BLK: variants seen among roughly 807,000 people sequenced by gnomAD.
The protein encoded by BLK is BLK proto-oncogene, Src family tyrosine kinase, also known as tyrosine-protein kinase Blk.
A neutral mutation model predicts 61.8 loss-of-function variants in BLK; 64 were observed. The observed-to-expected ratio is 1.03, with a 90% CI of 0.85 to 1.27. The LOEUF (loss-of-function observed/expected upper bound fraction) is 1.27, where lower values mean the gene tolerates loss of function less well. Among genes scored for constraint, BLK ranks in the 50% most tolerant of loss-of-function variants. The pLI is 0.00. For synonymous variants in BLK, 351 were observed against 272.0 expected (o/e 1.29, Z -2.86); for missense variants, 853 against 660.5 (o/e 1.29, Z -3.19).
intron 1 of BLK, among the ~76,000 whole-genome samples, chr8:11,516,491 G>T (rs1799231062): frequency 6.6e-6 from 1 of 152,168 alleles, no homozygotes; most frequent in Non-Finnish European, 1.5e-5. Flanking sequence ...ATAATCTATT[G>T]AGAGAAAGAC....
intron 1 of BLK, among the ~76,000 whole-genome samples, chr8:11,496,589 G>A (rs940001608): frequency 7.2e-5 from 11 of 152,138 alleles, no homozygotes; most frequent in South Asian, 2.1e-4. Flanking sequence ...GCTGCAGGAC[G>A]GAATACACTC....
At chr8:11,528,564 G>A (rs1442898766) in intron 1 of BLK, among the ~76,000 whole-genome samples, 1 of 152,120 alleles carries the variant, frequency 6.6e-6, no homozygotes, top group Non-Finnish European at 1.5e-5. Flanking sequence ...GATGAGAAAA[G>A]GCTAATGATT....
chr8:11,504,304 C>T lies in BLK; in HGVS notation c.-2+9713C>T, dbSNP rs543103638. Among the ~76,000 whole-genome samples the T allele has an allele frequency of 6.9e-5, 10 of 145,776 alleles. No homozygotes were observed. In the South Asian group the frequency reaches 2.1e-3, roughly 31 times the overall value. On this transcript the variant is annotated intron_variant, in intron 1 of 12. Transcript: ENST00000259089. ...CACCATTGCACTCCAGCTTGAGCAA[C>T]AGAGCGAGATTCCATCTCAAAATAA...
chr8:11,514,940 C>G (rs958253452), intron 1 of BLK, among the ~76,000 whole-genome samples: 5 of 152,192 alleles, frequency 3.3e-5, no homozygotes, highest in African/African-American at 1.2e-4. Flanking sequence ...TCAGCCCCCT[C>G]CCCTTCCTGG....
chr8:11,532,365 ATTTT>A (rs56990952), intron 1 of BLK, among the ~76,000 whole-genome samples: 6 of 125,624 alleles, frequency 4.8e-5, no homozygotes, highest in Admixed American at 1.6e-4. Context: ...TGCCCAGCTC[ATTTT>A]TTTTTTTTTT....
At chr8:11,563,838 TC>T in intron 12 of BLK, 64 bp from the exon 13 acceptor site, 1 of 1,490,662 alleles carries the variant, frequency 6.7e-7, no homozygotes. Context: ...CGCGGGACGC[TC>T]AGGGCCCCCC....
At position 11,556,782 on chromosome 8, in the gene BLK, C is replaced by G. The variant is rs762861806; in HGVS notation, c.897C>G (p.Leu299=). 4.3e-6 allele frequency: 7 copies of G among 1,614,226 alleles called. No individual in the cohort carries two copies. The South Asian group carries it at 4.4e-5, about 10-fold the overall frequency. Residue 299 remains leucine, a synonymous_variant, in exon 9 of 13, where the codon CTC becomes CTG. Transcript: ENST00000259089. The part of the protein sequence containing the change: ...KALQHERLVR[L]YAVVTKEPIY... ...TGCAGCACGAGCGGCTGGTCCGACTCTACGCAGTGGTCACCAAGGAGCCCA... is the reference window on the plus strand; with the variant it reads ...TGCAGCACGAGCGGCTGGTCCGACTGTACGCAGTGGTCACCAAGGAGCCCA...
intron 9 of BLK, among the ~76,000 whole-genome samples, chr8:11,557,381 G>A (rs1296563052): frequency 6.6e-6 from 1 of 152,160 alleles, no homozygotes; most frequent in Non-Finnish European, 1.5e-5. Context: ...TGTTGATATA[G>A]CTCCCTAACA....
rs1800526685 is a variant in BLK at position 11,544,380 on chromosome 8, ATG to A, written c.123+1035_123+1036del. ...CGACCCCCTCTCCTGTGCTGTCCACATGTCCACGTGGTCATCTCTTTATCCTA... is the reference window on the plus strand; with the variant it reads ...CGACCCCCTCTCCTGTGCTGTCCACATCCACGTGGTCATCTCTTTATCCTA... On this transcript the variant is annotated intron_variant, in intron 2 of 12. Transcript: ENST00000259089. 2.0e-5 allele frequency among the ~76,000 whole-genome samples: 3 copies of A among 152,252 alleles called. No homozygotes were observed. In the South Asian group the frequency reaches 6.2e-4, roughly 32 times the overall value.
chr8:11,524,574 A>ACTT (rs1246984657), intron 1 of BLK, among the ~76,000 whole-genome samples: 1 of 152,258 alleles, frequency 6.6e-6, no homozygotes, highest in African/African-American at 2.4e-5. Context: ...ATATCGGAAG[A>ACTT]CTTAGAAAGG....
chr8:11,525,484 A>G (rs1165812177), intron 1 of BLK, among the ~76,000 whole-genome samples: 1 of 204 alleles, frequency 4.9e-3, no homozygotes, highest in East Asian at 0.056. Context: ...ACATTCTGCA[A>G]TTTACTCTTT....
chr8:11,494,748 G>A (rs1167081451), intron 1 of BLK, among the ~76,000 whole-genome samples, 157 bp downstream of exon 1: 1 of 152,246 alleles, frequency 6.6e-6, no homozygotes, highest in East Asian at 1.9e-4. Flanking sequence ...GCTATGAATA[G>A]ATTGCTCCAT....
chr8:11,555,348 A>T lies in BLK; in HGVS notation c.636A>T (p.Leu212=), dbSNP rs755201619. 3.7e-6 allele frequency: 6 copies of T among 1,614,084 alleles called. No individual in the cohort carries two copies. The highest frequency in any genetic ancestry group is 1.6e-4 in the Middle Eastern group (1 of 6,062). ...VQHYSKKGDG[L]CQRLTLPCVR... ...CTAATGCAGAGAAGGGGGATGGTCT[A>T]TGCCAGAGGCTGACCCTGCCCTGTG... Residue 212 remains leucine (L), a synonymous_variant, in exon 8 of 13, where the codon CTA becomes CTT. Transcript: ENST00000259089.
chr8:11,563,783 T>G lies in BLK; in HGVS notation c.1313-120T>G, dbSNP rs572555377. 37 of 956,836 alleles carry G rather than the reference T, an allele frequency of 3.9e-5. No homozygotes were observed. In the African/African-American group the frequency reaches 5.7e-4, roughly 15 times the overall value. The allele number at this position is 956,836 out of a possible 1,614,324, so 59.3% of individuals were successfully genotyped here. A position where few individuals can be genotyped will look rare whatever the true frequency, so the allele number is the denominator to read the frequency against. ...AACGCACGAGGCTGGAGAAGTGGTCTGGGACTGTGGGCACTGCTGTCCCTT... is the reference window on the plus strand; with the variant it reads ...AACGCACGAGGCTGGAGAAGTGGTCGGGGACTGTGGGCACTGCTGTCCCTT... On this transcript the variant is annotated intron_variant, in intron 12 of 12. Transcript: ENST00000259089.
chr8:11,528,698 T>C (rs1420538423), intron 1 of BLK, among the ~76,000 whole-genome samples: 3 of 152,248 alleles, frequency 2.0e-5, no homozygotes, highest in African/African-American at 7.2e-5. Context: ...GGGTCCAACA[T>C]GTGTATAACG....
intron 1 of BLK, among the ~76,000 whole-genome samples, chr8:11,540,170 A>T (rs1800314044): frequency 1.3e-5 from 2 of 151,432 alleles, no homozygotes; most frequent in Non-Finnish European, 2.9e-5. Context: ...TTTGTTTTTT[A>T]TTTTTTTCAG....
At chr8:11,527,623 T>C (rs981486105) in intron 1 of BLK, among the ~76,000 whole-genome samples, 1 of 151,704 alleles carries the variant, frequency 6.6e-6, no homozygotes, top group Non-Finnish European at 1.5e-5. Flanking sequence ...AGATAATGGG[T>C]GTTGCTGATT....
At chr8:11,497,792 A>C (rs1383243245) in intron 1 of BLK, among the ~76,000 whole-genome samples, 1 of 152,196 alleles carries the variant, frequency 6.6e-6, no homozygotes, top group Non-Finnish European at 1.5e-5. Flanking sequence ...TGGAAGAAAG[A>C]GAAGAGGCAT....
intron 1 of BLK, among the ~76,000 whole-genome samples, chr8:11,529,307 C>T (rs1288991555): frequency 6.6e-6 from 1 of 152,120 alleles, no homozygotes; most frequent in East Asian, 1.9e-4. Context: ...CTTGAGCATT[C>T]GGCGATCAGA....
Sources: gnomAD v4.1 joint callset for allele counts (sites outside exome capture counted in the v4.1 genomes callset) on GRCh38, gnomAD v4.1.1 for gene constraint, MANE v1.5 for transcripts, NCBI Gene and HGNC (gene_info 2026-07-23, HGNC 2026-07-21) for gene names.